The following NOL9 variants were observed in gnomAD, a reference collection of about 807,000 sequenced individuals.
NOL9 encodes the protein nucleolar protein 9, also known as polynucleotide 5'-hydroxyl-kinase NOL9.
A neutral mutation model predicts 67.9 loss-of-function variants in NOL9; 28 were observed. The ratio of observed to expected loss-of-function variants is 0.41; its 90% CI spans 0.31 to 0.57. The LOEUF (loss-of-function observed/expected upper bound fraction) is 0.57. Ranked by LOEUF, NOL9 falls within the 20% of genes least tolerant of loss-of-function variation. The probability of loss-of-function intolerance (pLI) is 0.25; values close to 1 mark genes in which losing one functional copy is unlikely to be tolerated. For missense variants in NOL9, 777 were observed against 897.0 expected, an observed-to-expected ratio of 0.87 and a Z score of 1.71; for synonymous variants, 356 against 352.2, an observed-to-expected ratio of 1.01 and a Z score of -0.12.
Position 6,534,075 on chromosome 1 carries a change from C to T in NOL9, c.1076-634G>A, listed in dbSNP as rs540849820. 5.9e-5 allele frequency among the ~76,000 whole-genome samples: 9 copies of T among 152,054 alleles called. No individual in the cohort carries two copies. In the East Asian group the frequency reaches 1.2e-3, roughly 20 times the overall value. On this transcript the variant is annotated intron_variant, in intron 6 of 11. Coordinates refer to ENST00000377705, the MANE Select transcript of NOL9 (RefSeq NM_024654.5). Reference sequence around the variant, plus strand: ...GCTTATTTTGTATTTTTAGTAGAGACGGGGTTTCTCCATGTTGGTCAGGCT... The same window carrying T: ...GCTTATTTTGTATTTTTAGTAGAGATGGGGTTTCTCCATGTTGGTCAGGCT...
Position 6,523,774 on chromosome 1 carries a change from C to G in NOL9, c.*2080G>C, listed in dbSNP as rs540742890. ...TCCTGGGCCAACTCTAGCCCCAGTA[C>G]GGCCACCTGACCCACAGCTGATAGC... On this transcript the variant is annotated 3_prime_UTR_variant, in exon 12 of 12. Transcript: ENST00000377705. 6.6e-6 allele frequency: 1 copy of G among 152,106 alleles called. No individual in the cohort carries two copies. Among genetic ancestry groups the G allele is most frequent in the African/African-American group, 2.4e-5 (1 of 41,386 alleles). 9.4% of individuals were successfully genotyped at this position (152,106 alleles called of 1,614,324 possible). A position where few individuals can be genotyped will look rare whatever the true frequency, so the allele number is the denominator to read the frequency against.
Position 6,532,520 on chromosome 1 carries a change from C to T in NOL9, c.1478G>A (p.Gly493Glu). ...TGTATAAACACCTATCAGTTTATGT[C>T]CAGTGAACTCAACTGGACTCTCTTT... is the stretch of plus-strand genomic sequence containing the variant. ...EEKESPVEFT[G>E]HKLIGVYTDF... Residue 493 changes from glycine to glutamate, a missense_variant, in exon 8 of 12, where the codon GGA (glycine) becomes GAA (glutamate). Physicochemically the swap from Gly to Glu is moderately conservative, Grantham distance 98. Around this residue, in one of 2 missense-constraint regions of NOL9, gnomAD observed 413 missense variants for 552.6 expected, o/e 0.75. Transcript: ENST00000377705. The T allele has an allele frequency of 6.2e-7, 1 of 1,614,208 alleles. No homozygotes were observed.
intron 5 of NOL9, among the ~76,000 whole-genome samples, chr1:6,542,604 T>G (rs182409661): frequency 6.6e-6 from 1 of 150,572 alleles, no homozygotes; most frequent in Non-Finnish European, 1.5e-5. Context: ...ATTACAGGCA[T>G]GTGCCACCAC....
rs1406913102 is a variant in NOL9, at chr1:6,524,053, C to G, written c.*1801G>C. On this transcript the variant is annotated 3_prime_UTR_variant, in exon 12 of 12. Coordinates refer to ENST00000377705, the MANE Select transcript of NOL9 (RefSeq NM_024654.5). ...CTTAAAATTCTTTACAAGGCCAGCA[C>G]AGTAAAACATCATATGAATGAGCCA... is the stretch of plus-strand genomic sequence containing the variant. 1 of 152,150 alleles carries G rather than the reference C, an allele frequency of 6.6e-6. No individual in the cohort carries two copies. Among genetic ancestry groups the G allele is most frequent in the Non-Finnish European group, 1.5e-5 (1 of 68,034 alleles). 9.4% of individuals were successfully genotyped at this position (152,150 alleles called of 1,614,324 possible).
In NOL9 at chr1:6,532,605, T is replaced by C. The variant is rs370960580; in HGVS notation, c.1393A>G (p.Arg465Gly). ...GLYTKSKTKM[R>G]NRRFRLAAFA... The stretch of plus-strand genomic sequence containing the variant: ...GCTGCGAGTCTGAAACGTCGATTTC[T>C]CATCTTGGTCTTGCTTTTTGTGTAC... Residue 465 changes from arginine (R) to glycine (G), a missense_variant, in exon 8 of 12, where the codon AGA becomes GGA. Arg to Gly is a moderately radical substitution (Grantham distance 125). Transcript: ENST00000377705. 6 of 1,614,122 alleles carry C rather than the reference T, an allele frequency of 3.7e-6. No homozygotes were observed. Among genetic ancestry groups the C allele is most frequent in the Non-Finnish European group, 5.1e-6 (6 of 1,180,056 alleles).
chr1:6,526,021 A>C lies in NOL9; in HGVS notation c.1960-18T>G. The C allele has an allele frequency of 6.2e-7, 1 of 1,611,632 alleles. No homozygotes were observed. Among genetic ancestry groups the C allele is most frequent in the East Asian group, 2.2e-5 (1 of 44,848 alleles). ...ATCCCACGCTGAAACGGAAACACAG[A>C]GAATGCATGGAAACACTCCAGGTCC... is the stretch of plus-strand genomic sequence containing the variant. On this transcript the variant is annotated intron_variant, in intron 11 of 11. Transcript: ENST00000377705.
chr1:6,540,589 T>G (rs1262662232), intron 6 of NOL9, among the ~76,000 whole-genome samples: 3 of 151,252 alleles, frequency 2.0e-5, no homozygotes, highest in Non-Finnish European at 4.4e-5. Flanking sequence ...AACTTGGGAG[T>G]CAGAGGTGAG....
rs775848771 is a variant in NOL9, at chr1:6,544,894, T to C, written c.909A>G (p.Leu303=). Reference sequence around the variant, plus strand: ...TTCCAACATCCTGGGATCCACAAACTAGAATGACAGGGCAGCCATCTACTT... The same window carrying C: ...TTCCAACATCCTGGGATCCACAAACCAGAATGACAGGGCAGCCATCTACTT... ...CEEVDGCPVI[L]VCGSQDVGKS... Residue 303 remains leucine (L), a synonymous_variant, in exon 5 of 12, where the codon CTA becomes CTG. Transcript: ENST00000377705. The C allele has an allele frequency of 6.2e-7, 1 of 1,614,164 alleles. No individual in the cohort carries two copies. Among genetic ancestry groups the C allele is most frequent in the Non-Finnish European group, 8.5e-7 (1 of 1,180,036 alleles).
At chr1:6,550,256 C>T (rs139021347) in intron 2 of NOL9, 140 bp downstream of exon 2, 7,732 of 678,532 alleles carry the variant, frequency 0.011, 81 homozygotes, top group Middle Eastern at 0.043. Context: ...TGGTCTCGAT[C>T]TCCTGACCTC....
chr1:6,542,004 A>G, intron 5 of NOL9, 77 bp from the exon 6 acceptor site: 1 of 890,140 alleles, frequency 1.1e-6, no homozygotes, highest in Non-Finnish European at 1.7e-6. Flanking sequence ...TCACACAGTA[A>G]AGATTTCATG....
intron 1 of NOL9, among the ~76,000 whole-genome samples, chr1:6,551,430 C>A (rs1405068122): frequency 6.6e-6 from 1 of 150,994 alleles, no homozygotes; most frequent in Non-Finnish European, 1.5e-5. Context: ...CCACCCCCGC[C>A]ACCACCATCT....
At chr1:6,541,043 A>C (rs1639279176) in intron 6 of NOL9, 1 of 124,450 alleles carries the variant, frequency 8.0e-6, no homozygotes, top group Non-Finnish European at 1.6e-5. Context: ...TTGAGATAGA[A>C]TCTCACTCTG....
At chr1:6,549,954 A>G (rs1291369810) in intron 2 of NOL9, among the ~76,000 whole-genome samples, 3 of 151,786 alleles carry the variant, frequency 2.0e-5, no homozygotes. Context: ...TAGTACTTTC[A>G]CTCTCAGGAC....
Position 6,533,645 on chromosome 1 carries a change from A to G in NOL9, c.1076-204T>C, listed in dbSNP as rs190862743. Among the ~76,000 whole-genome samples, 12 of 152,358 alleles carry G rather than the reference A, an allele frequency of 7.9e-5. No homozygotes were observed. The East Asian group carries it at 2.3e-3, about 29-fold the overall frequency. ...TTAACACAAAGACATGCTCACTTTC[A>G]CATAAATGGCTAATGCCAATTATGT... On this transcript the variant is annotated intron_variant, in intron 6 of 11. Transcript: ENST00000377705.
At chr1:6,536,348 AT>A in intron 6 of NOL9, among the ~76,000 whole-genome samples, 1 of 7,388 alleles carries the variant, frequency 1.4e-4, no homozygotes, top group African/African-American at 1.9e-4. Context: ...TCCGTCTCAA[AT>A]AAAATAAAAT....
chr1:6,528,262 CA>C (rs1638935380), intron 10 of NOL9, among the ~76,000 whole-genome samples: 1 of 152,168 alleles, frequency 6.6e-6, no homozygotes, highest in African/African-American at 2.4e-5. Context: ...CGGGAAGTGC[CA>C]GGCTGTGGCA....
chr1:6,539,135 C>CA (rs1268229630), intron 6 of NOL9, among the ~76,000 whole-genome samples: 5 of 152,186 alleles, frequency 3.3e-5, no homozygotes, highest in Admixed American at 2.6e-4. Context: ...CACACAAACT[C>CA]AGACAGCTAT....
At chr1:6,550,037 ATTT>A (rs36059388) in intron 2 of NOL9, among the ~76,000 whole-genome samples, 1 of 149,730 alleles carries the variant, frequency 6.7e-6, no homozygotes, top group Non-Finnish European at 1.5e-5. Flanking sequence ...ATCTAAAATA[ATTT>A]TTTTTTTTTG....
chr1:6,533,770 C>A (rs10864612), intron 6 of NOL9, among the ~76,000 whole-genome samples: 2 of 152,078 alleles, frequency 1.3e-5, no homozygotes, highest in South Asian at 2.1e-4. Context: ...GACAAACATC[C>A]CCACCCTCAC....
Sources: gnomAD v4.1 joint callset for allele counts (sites outside exome capture counted in the v4.1 genomes callset) on GRCh38, gnomAD v4.1.1 for gene constraint, gnomAD v4.1.1 regional missense constraint, MANE v1.5 for transcripts, NCBI Gene and HGNC (gene_info 2026-07-23, HGNC 2026-07-21) for gene names.